DCDC2C: variants seen among roughly 807,000 people sequenced by gnomAD.
DCDC2C encodes doublecortin domain-containing protein 2C.
A neutral mutation model predicts 45.0 loss-of-function variants in DCDC2C; 44 were observed. The ratio of observed to expected loss-of-function variants is 0.98; its 90% CI spans 0.77 to 1.26. The LOEUF (loss-of-function observed/expected upper bound fraction) is 1.26, where lower values mean the gene tolerates loss of function less well. Ranked by LOEUF, DCDC2C falls within the 50% of genes most tolerant of loss-of-function variation. DCDC2C has a pLI of 0.00. For missense variants in DCDC2C, 447 were observed against 468.9 expected (o/e 0.95, Z 0.43); for synonymous variants, 187 against 178.8 (o/e 1.05, Z -0.37).
At position 3,787,890 on chromosome 2, in the gene DCDC2C, C is replaced by G. The variant is rs550946296; in HGVS notation, c.1065+2790C>G. Reference sequence around the variant, plus strand: ...GAATCAGTATTGAGGATATTTTCAACATTTTAGGTTTTTTTCTCAGTATAC... The same window carrying G: ...GAATCAGTATTGAGGATATTTTCAAGATTTTAGGTTTTTTTCTCAGTATAC... On this transcript the variant is annotated intron_variant, in intron 10 of 10. Transcript: ENST00000399143. 4.6e-5 allele frequency among the ~76,000 whole-genome samples: 7 copies of G among 152,260 alleles called. No homozygotes were observed. In the East Asian group the frequency reaches 9.6e-4, roughly 21 times the overall value.
At chr2:3,771,773 TGCCTGGCCCCACTCTGC>T (rs1670177872) in intron 8 of DCDC2C, among the ~76,000 whole-genome samples, 1 of 152,236 alleles carries the variant, frequency 6.6e-6, no homozygotes, top group Admixed American at 6.5e-5. Flanking sequence ...CGTGGCTGGC[TGCCTGGCCCCACTCTGC>T]GCCTGGCCCG....
chr2:3,832,988 C>G (rs1292654547), intron 10 of DCDC2C, among the ~76,000 whole-genome samples: 1 of 152,234 alleles, frequency 6.6e-6, no homozygotes, highest in Non-Finnish European at 1.5e-5. Flanking sequence ...AGCCAAGTTG[C>G]TGGCTTGGCT....
intron 6 of DCDC2C, among the ~76,000 whole-genome samples, chr2:3,763,573 G>T (rs1669943224): frequency 6.6e-6 from 1 of 152,190 alleles, no homozygotes; most frequent in Admixed American, 6.5e-5. Context: ...CCACCATGCT[G>T]CACGGGGTCT....
chr2:3,778,688 C>T (rs1339259936), intron 8 of DCDC2C, 128 bp from the exon 9 acceptor site: 1 of 776,786 alleles, frequency 1.3e-6, no homozygotes, highest in African/African-American at 1.8e-5. Context: ...TCTGGAGAAA[C>T]TGCAGTGACT....
chr2:3,752,701 C>T (rs563995371), intron 4 of DCDC2C, 62 bp from the exon 5 acceptor site: 14 of 1,530,956 alleles, frequency 9.1e-6, no homozygotes, highest in African/African-American at 8.2e-5. Context: ...TGCACAAATA[C>T]CCCAAGCCCT....
At chr2:3,737,163 C>T (rs1669054121) in intron 3 of DCDC2C, among the ~76,000 whole-genome samples, 1 of 152,116 alleles carries the variant, frequency 6.6e-6, no homozygotes, top group Non-Finnish European at 1.5e-5. Context: ...GCAGGCTTGT[C>T]CTCAGAGAGC....
intron 3 of DCDC2C, among the ~76,000 whole-genome samples, chr2:3,738,329 T>C (rs1669087828): frequency 6.6e-6 from 1 of 152,080 alleles, no homozygotes; most frequent in South Asian, 2.1e-4. Flanking sequence ...TTGTTTTTAC[T>C]CCCTTGTCAA....
At chr2:3,835,766 C>A (rs972565632) in intron 10 of DCDC2C, among the ~76,000 whole-genome samples, 4 of 151,084 alleles carry the variant, frequency 2.6e-5, no homozygotes, top group African/African-American at 7.3e-5. Flanking sequence ...TTTTTCGAGA[C>A]AGCATCTGAC....
chr2:3,739,115 A>T (rs1016739560), intron 3 of DCDC2C, among the ~76,000 whole-genome samples: 5 of 152,242 alleles, frequency 3.3e-5, no homozygotes, highest in Admixed American at 2.0e-4. Flanking sequence ...TTTATCTTAA[A>T]AATTCAAAAA....
chr2:3,842,739 G>C (rs1672246437), intron 10 of DCDC2C, among the ~76,000 whole-genome samples: 1 of 152,140 alleles, frequency 6.6e-6, no homozygotes, highest in African/African-American at 2.4e-5. Flanking sequence ...GGCTTTCCTG[G>C]GTGGCTCTCC....
chr2:3,734,989 G>A lies in DCDC2C; in HGVS notation c.417-6931G>A, dbSNP rs1299717113. Reference sequence around the variant, plus strand: ...AGAAATTAGGCATCCACATCCTACCGCATCCCACAAGACCCCCACTTTCTC... The same window carrying A: ...AGAAATTAGGCATCCACATCCTACCACATCCCACAAGACCCCCACTTTCTC... On this transcript the variant is annotated intron_variant, in intron 3 of 10. Coordinates refer to ENST00000399143, the MANE Select transcript of DCDC2C (RefSeq NM_001287444.2). This position sits in a 1 kb window ranked among gnomAD's most constrained non-coding sequence, Gnocchi z 4.2. 2.6e-5 allele frequency among the ~76,000 whole-genome samples: 4 copies of A among 152,120 alleles called. No individual in the cohort carries two copies. The highest frequency in any genetic ancestry group is 7.2e-5 in the African/African-American group (3 of 41,426).
intron 10 of DCDC2C, among the ~76,000 whole-genome samples, chr2:3,834,404 C>A (rs1053745770): frequency 6.6e-6 from 1 of 152,216 alleles, no homozygotes; most frequent in African/African-American, 2.4e-5. Context: ...CTCTTTACTA[C>A]CTCCATGGTT....
At chr2:3,738,446 G>A (rs1669090256) in intron 3 of DCDC2C, among the ~76,000 whole-genome samples, 1 of 142,698 alleles carries the variant, frequency 7.0e-6, no homozygotes, top group Non-Finnish European at 1.5e-5. Flanking sequence ...AGAAAGAGGA[G>A]AGATAGTGAA....
intron 10 of DCDC2C, among the ~76,000 whole-genome samples, chr2:3,840,088 G>A (rs940324692): frequency 5.3e-5 from 8 of 152,274 alleles, no homozygotes; most frequent in Non-Finnish European, 7.4e-5. Context: ...ATATTCGTGT[G>A]GATTTGTGTG....
intron 4 of DCDC2C, among the ~76,000 whole-genome samples, chr2:3,747,830 C>T (rs1234961898): frequency 1.3e-5 from 2 of 152,210 alleles, no homozygotes; most frequent in Non-Finnish European, 2.9e-5. Context: ...CAGATGCATG[C>T]TCAGGAGCAG....
intron 4 of DCDC2C, among the ~76,000 whole-genome samples, chr2:3,742,806 T>C (rs1267933055): frequency 6.6e-6 from 1 of 152,166 alleles, no homozygotes; most frequent in South Asian, 2.1e-4. Context: ...TCAGCCCTAT[T>C]GTGAGGGAAG....
At chr2:3,741,478 G>T (rs1271818175) in intron 3 of DCDC2C, among the ~76,000 whole-genome samples, 2 of 152,110 alleles carry the variant, frequency 1.3e-5, no homozygotes, top group African/African-American at 4.8e-5. Flanking sequence ...ACAACTGTGG[G>T]GTTGGAGCCC....
intron 10 of DCDC2C, among the ~76,000 whole-genome samples, chr2:3,792,356 C>T (rs1297227134): frequency 1.4e-4 from 21 of 152,166 alleles, no homozygotes; most frequent in Non-Finnish European, 1.5e-5. Context: ...CGAGTGGCCC[C>T]TTGTCCTACT....
At chr2:3,740,967 C>A (rs920376961) in intron 3 of DCDC2C, among the ~76,000 whole-genome samples, 3 of 152,074 alleles carry the variant, frequency 2.0e-5, no homozygotes, top group Non-Finnish European at 4.4e-5. Flanking sequence ...TAAAGGATAT[C>A]AATGATATCA....
Sources: allele counts gnomAD v4.1 joint callset (sites outside exome capture counted in the v4.1 genomes callset), GRCh38; gene constraint gnomAD v4.1.1; non-coding constraint Gnocchi (gnomAD v3.1); transcripts MANE v1.5; gene names NCBI Gene and HGNC (gene_info 2026-07-23, HGNC 2026-07-21).